The following TPM1 variants were observed in gnomAD, a reference collection of about 807,000 sequenced individuals.
The protein encoded by TPM1 is tropomyosin alpha-1 chain.
TPM1 carries 24 observed loss-of-function variants against 42.9 expected under a neutral mutation model. The observed-to-expected ratio is 0.56, with a 90% CI of 0.41 to 0.79. TPM1 has a LOEUF of 0.79. Ranked by LOEUF, TPM1 falls within the 30% of genes least tolerant of loss-of-function variation. The probability of loss-of-function intolerance (pLI) is 0.00; values close to 1 mark genes in which losing one functional copy is unlikely to be tolerated. For missense variants in TPM1, 158 were observed against 351.8 expected (o/e 0.45, Z 4.41); for synonymous variants, 136 against 130.1 (o/e 1.05, Z -0.31).
intron 2 of TPM1, chr15:63,048,713 G>C: frequency 6.5e-7 from 1 of 1,537,588 alleles, no homozygotes; most frequent in Non-Finnish European, 8.8e-7. Flanking sequence ...AGACCGTAAG[G>C]GATACACCCA....
intron 2 of TPM1, chr15:63,049,311 C>G (rs2033328448): frequency 6.5e-6 from 1 of 153,568 alleles, no homozygotes; most frequent in Admixed American, 6.5e-5. Flanking sequence ...TTAACCCGTC[C>G]CTTTTTTCAG....
At chr15:63,058,156 C>G (rs1482899385) in intron 3 of TPM1, among the ~76,000 whole-genome samples, 5 of 152,212 alleles carry the variant, frequency 3.3e-5, no homozygotes. Flanking sequence ...GATGACTAAG[C>G]ATCTTACAGT....
rs540091293 is a variant in TPM1 at position 63,048,504 on chromosome 15, G to A, written c.240+4352G>A. ...GGCGCTGGGCAGCCAGGACAGCCGC[G>A]GCAGCCGGGTCCGCAGGGCAGCAGC... On this transcript the variant is annotated intron_variant, in intron 2 of 9. Transcript: ENST00000403994. 35 of 1,465,580 alleles carry A rather than the reference G, an allele frequency of 2.4e-5. No individual in the cohort carries two copies. The South Asian group carries it at 4.3e-4, about 18-fold the overall frequency. 90.8% of individuals were successfully genotyped at this position (1,465,580 alleles called of 1,614,324 possible).
chr15:63,050,601 G>A (rs752142089), intron 2 of TPM1, among the ~76,000 whole-genome samples: 5 of 152,116 alleles, frequency 3.3e-5, no homozygotes, highest in South Asian at 2.1e-4. Flanking sequence ...TTCTTTTCAC[G>A]GCTTTATATC....
At chr15:63,069,492 T>C (rs1413473545), downstream of TPM1, among the ~76,000 whole-genome samples, 2 of 152,202 alleles carry the variant, frequency 1.3e-5, no homozygotes, top group Non-Finnish European at 2.9e-5. Context: ...GATGTCACGC[T>C]GGGCTCGCCT....
At chr15:63,043,852 G>A in intron 1 of TPM1, 175 bp from the exon 2 acceptor site, 1 of 1,548,978 alleles carries the variant, frequency 6.5e-7, no homozygotes, top group Non-Finnish European at 8.7e-7. Flanking sequence ...CGCGCGGCAC[G>A]GCGTGGCGCA....
intron 8 of TPM1, chr15:63,063,214 G>A (rs2035885334): frequency 2.0e-6 from 2 of 985,406 alleles, no homozygotes; most frequent in Non-Finnish European, 2.4e-6. Context: ...TATCCTAAAT[G>A]TTGAGCTTTG....
intron 9 of TPM1, 66 bp from the exon 10 acceptor site, chr15:63,065,830 T>C: frequency 6.5e-7 from 1 of 1,548,246 alleles, no homozygotes; most frequent in Non-Finnish European, 8.7e-7. Context: ...TTTGGTTTCC[T>C]TTCTTTTTTT....
chr15:63,060,750 C>T, intron 4 of TPM1, 119 bp from the exon 5 acceptor site: 1 of 1,082,580 alleles, frequency 9.2e-7, no homozygotes, highest in Non-Finnish European at 1.4e-6. Context: ...GAAAGAGGAT[C>T]ATATTGTTTG....
chr15:63,070,578 A>G, downstream of TPM1: 1 of 1,009,332 alleles, frequency 9.9e-7, no homozygotes, highest in South Asian at 4.1e-5. Context: ...GTGTGCATGA[A>G]ACATGTTGAC....
In TPM1 at chr15:63,061,694, C is replaced by T. The variant is rs377379254; in HGVS notation, c.564-19C>T. The T allele has an allele frequency of 6.2e-7, 1 of 1,613,224 alleles. No homozygotes were observed. Among genetic ancestry groups the T allele is most frequent in the East Asian group, 2.2e-5 (1 of 44,878 alleles). On this transcript the variant is annotated intron_variant, in intron 5 of 9. Transcript: ENST00000403994. ...TTGGCTTGTCTCCCACCCTTTCTGC[C>T]TCTGATCGAAAACATTAGCAAATGT...
chr15:63,063,057 A>T, intron 8 of TPM1: 1 of 983,640 alleles, frequency 1.0e-6, no homozygotes, highest in South Asian at 4.7e-5. Context: ...TATGAATTCA[A>T]AGTAAGGATT....
chr15:63,049,170 GA>G (rs2033284612), intron 2 of TPM1: 1 of 197,872 alleles, frequency 5.1e-6, no homozygotes, highest in Non-Finnish European at 1.1e-5. Context: ...GGGGCCCGGG[GA>G]TGCTACACTC....
chr15:63,048,702 G>T, intron 2 of TPM1: 1 of 1,538,600 alleles, frequency 6.5e-7, no homozygotes, highest in Non-Finnish European at 8.8e-7. Flanking sequence ...GAAGCTGAGG[G>T]AGACCGTAAG....
At chr15:63,068,643 C>A (rs983626066), downstream of TPM1, among the ~76,000 whole-genome samples, 7 of 152,152 alleles carry the variant, frequency 4.6e-5, no homozygotes, top group East Asian at 1.9e-4. Context: ...TCCAGCTGTT[C>A]CCAGTGCATA....
chr15:63,044,736 T>G (rs2140639843), intron 2 of TPM1: 1 of 174,408 alleles, frequency 5.7e-6, no homozygotes, highest in South Asian at 1.3e-4. Context: ...CCTGGGAAGA[T>G]GATACTTGCT....
intron 7 of TPM1, 143 bp downstream of exon 7, chr15:63,062,420 T>A: frequency 4.9e-6 from 6 of 1,224,794 alleles, no homozygotes; most frequent in Non-Finnish European, 7.2e-6. Flanking sequence ...TGTACTGTGC[T>A]AACTGCCATT....
chr15:63,057,166 A>T (rs780281116), intron 3 of TPM1, 48 bp downstream of exon 3: 1 of 1,612,096 alleles, frequency 6.2e-7, no homozygotes, highest in South Asian at 1.1e-5. Flanking sequence ...TTCCTGGTGG[A>T]ATAAACCGGA....
intron 4 of TPM1, 39 bp downstream of exon 4, chr15:63,059,719 A>G (rs752141250): frequency 6.9e-7 from 1 of 1,441,248 alleles, no homozygotes; most frequent in South Asian, 1.1e-5. Flanking sequence ...GACACCCAGC[A>G]GTGGCCTTCA....
Sources: allele counts gnomAD v4.1 joint callset (sites outside exome capture counted in the v4.1 genomes callset), GRCh38; gene constraint gnomAD v4.1.1; transcripts MANE v1.5; gene names NCBI Gene and HGNC (gene_info 2026-07-23, HGNC 2026-07-21).